The following TP73 variants were observed in gnomAD, a reference collection of about 807,000 sequenced individuals.
TP73 encodes p53-like transcription factor.
Under a neutral mutation model 62.5 loss-of-function variants are expected in TP73, and 25 were observed. The ratio of observed to expected loss-of-function variants is 0.40; its 90% CI spans 0.29 to 0.56. The LOEUF is 0.56. Among genes scored for constraint, TP73 ranks in the 20% least tolerant of loss-of-function variants. The probability of loss-of-function intolerance (pLI) is 0.46; values close to 1 mark genes in which losing one functional copy is unlikely to be tolerated. For missense variants in TP73, 754 were observed against 913.3 expected (o/e 0.83, Z 2.25); for synonymous variants, 423 against 377.5 (o/e 1.12, Z -1.40).
At chr1:3,669,828 G>T (rs1264113697) in intron 1 of TP73, among the ~76,000 whole-genome samples, 1 of 152,364 alleles carries the variant, frequency 6.6e-6, no homozygotes, top group East Asian at 1.9e-4. Flanking sequence ...GGGGACAGGG[G>T]AGGGGCTTGT....
At chr1:3,665,891 T>G (rs1645101645) in intron 1 of TP73, among the ~76,000 whole-genome samples, 1 of 148,642 alleles carries the variant, frequency 6.7e-6, no homozygotes, top group African/African-American at 2.5e-5. Flanking sequence ...TCCCAGCACT[T>G]TGGGAGGCCA....
chr1:3,702,100 C>T (rs1639221490), intron 3 of TP73, among the ~76,000 whole-genome samples: 1 of 152,216 alleles, frequency 6.6e-6, no homozygotes, highest in African/African-American at 2.4e-5. Context: ...TGTGGGAACC[C>T]CCAGACCTCA....
intron 1 of TP73, among the ~76,000 whole-genome samples, chr1:3,659,916 A>T (rs1446255572): frequency 1.3e-5 from 2 of 152,134 alleles, no homozygotes; most frequent in Non-Finnish European, 2.9e-5. Flanking sequence ...CTGACCTCAC[A>T]GGATCCACCC....
In TP73 at chr1:3,663,356, G is replaced by A. The variant is rs1645037844; in HGVS notation, c.-34+10715G>A. 2.0e-5 allele frequency among the ~76,000 whole-genome samples: 3 copies of A among 152,216 alleles called. No homozygotes were observed. Among genetic ancestry groups the A allele is most frequent in the Non-Finnish European group, 2.9e-5 (2 of 68,040 alleles). On this transcript the variant is annotated intron_variant, in intron 1 of 13. Transcript: ENST00000378295. The surrounding 1 kb of genome is among the most constrained non-coding windows in gnomAD (Gnocchi z 4.7). ...GAGCCTTGAGAATGGAACACCCATC[G>A]AACCGGGGAACTCTGCATATTTTCC...
intron 4 of TP73, among the ~76,000 whole-genome samples, chr1:3,708,885 C>T (rs1639896151): frequency 6.6e-6 from 1 of 152,238 alleles, no homozygotes; most frequent in Non-Finnish European, 1.5e-5. Flanking sequence ...GAGGCCCCGC[C>T]TCCCCGGGCA....
intron 4 of TP73, among the ~76,000 whole-genome samples, chr1:3,716,774 C>T (rs1640633423): frequency 6.6e-6 from 1 of 152,160 alleles, no homozygotes; most frequent in Non-Finnish European, 1.5e-5. Flanking sequence ...GCTGTTGACC[C>T]TGGCTCAGGC....
chr1:3,717,626 C>T (rs1398208806), intron 4 of TP73, among the ~76,000 whole-genome samples: 1 of 152,306 alleles, frequency 6.6e-6, no homozygotes, highest in East Asian at 1.9e-4. Context: ...TCCTCCTGCC[C>T]GTTTTCCACA....
chr1:3,670,443 T>A lies in TP73; in HGVS notation c.-33-11890T>A, dbSNP rs1645214274. 6.6e-6 allele frequency among the ~76,000 whole-genome samples: 1 copy of A among 151,878 alleles called. No homozygotes were observed. The highest frequency in any genetic ancestry group is 1.5e-5 in the Non-Finnish European group (1 of 67,988). On this transcript the variant is annotated intron_variant, in intron 1 of 13. Transcript: ENST00000378295. This position sits in a 1 kb window ranked among gnomAD's most constrained non-coding sequence, Gnocchi z 5.9. ...ACTCTGGGAGGCTGAGGCGGGTGGA[T>A]CAACAGAGGTCAGGAGTTCGAGAGC...
chr1:3,675,920 G>A lies in TP73; in HGVS notation c.-33-6413G>A, dbSNP rs115196419. Among the ~76,000 whole-genome samples, 840 of 152,246 alleles carry A rather than the reference G, an allele frequency of 5.5e-3. 8 individuals are homozygous for A. Among genetic ancestry groups the A allele is most frequent in the African/African-American group, 0.019 (778 of 41,526 alleles). On this transcript the variant is annotated intron_variant, in intron 1 of 13. Coordinates refer to ENST00000378295, the MANE Select transcript of TP73 (RefSeq NM_005427.4). ...GAGGGGAGAGGATGGGGCGTCAGCCGGAGACGGGGTTCCTAGAGGAGGCTG... is the reference window on the plus strand; with the variant it reads ...GAGGGGAGAGGATGGGGCGTCAGCCAGAGACGGGGTTCCTAGAGGAGGCTG...
At position 3,696,835 on chromosome 1, in the gene TP73, C is replaced by G. The variant is rs1638704442; in HGVS notation, c.187-10714C>G. ...TTGTCCTAACTGGAGATCCAGGGAT[C>G]AGAGGAGCCACCCCACTCACCCGCC... On this transcript the variant is annotated intron_variant, in intron 3 of 13. Coordinates refer to ENST00000378295, the MANE Select transcript of TP73 (RefSeq NM_005427.4). The surrounding 1 kb of genome is among the most constrained non-coding windows in gnomAD (Gnocchi z 4.1). 6.6e-6 allele frequency among the ~76,000 whole-genome samples: 1 copy of G among 152,148 alleles called. No individual in the cohort carries two copies.
At chr1:3,655,635 AAATGT>A (rs1156820659) in intron 1 of TP73, among the ~76,000 whole-genome samples, 2 of 152,218 alleles carry the variant, frequency 1.3e-5, no homozygotes, top group African/African-American at 4.8e-5. Context: ...AAAGTTTTCT[AAATGT>A]AATGTTTTAT....
rs193151534 is a variant in TP73 at position 3,672,464 on chromosome 1, C to G, written c.-33-9869C>G. Among the ~76,000 whole-genome samples, 1 of 152,034 alleles carries G rather than the reference C, an allele frequency of 6.6e-6. No homozygotes were observed. Among genetic ancestry groups the G allele is most frequent in the Non-Finnish European group, 1.5e-5 (1 of 67,970 alleles). ...CAGAACGAGGCTGTGGCAGCTCCAG[C>G]GAAGGCGGCTGCGGCCCCATCAGTC... On this transcript the variant is annotated intron_variant, in intron 1 of 13. Coordinates refer to ENST00000378295, the MANE Select transcript of TP73 (RefSeq NM_005427.4). The surrounding 1 kb of genome is among the most constrained non-coding windows in gnomAD (Gnocchi z 5.3).
intron 6 of TP73, among the ~76,000 whole-genome samples, chr1:3,724,167 G>A (rs183150594): frequency 6.6e-6 from 1 of 152,238 alleles, no homozygotes; most frequent in East Asian, 1.9e-4. Flanking sequence ...GGGCCCAACT[G>A]GTGTGAAAGG....
intron 1 of TP73, chr1:3,659,003 T>A (rs113925648): frequency 7.0e-6 from 1 of 142,440 alleles, no homozygotes; most frequent in Non-Finnish European, 1.5e-5. Context: ...TGGTCTCCTA[T>A]AGTCATATTT....
At chr1:3,724,411 A>C (rs1304730725) in intron 6 of TP73, among the ~76,000 whole-genome samples, 2 of 138,050 alleles carry the variant, frequency 1.4e-5, no homozygotes, top group East Asian at 2.1e-4. Context: ...TCCTGTACCC[A>C]GTCTCCAGGT....
intron 3 of TP73, among the ~76,000 whole-genome samples, chr1:3,703,772 G>A (rs1009867216): frequency 6.6e-6 from 1 of 152,240 alleles, no homozygotes; most frequent in African/African-American, 2.4e-5. Context: ...CCTGGAGCCT[G>A]CCCTTGCCTG....
chr1:3,733,050 G>A lies in TP73; in HGVS notation c.1882G>A (p.Glu628Lys), dbSNP rs1290688934. 2.6e-6 allele frequency: 4 copies of A among 1,540,806 alleles called. No homozygotes were observed. The highest frequency in any genetic ancestry group is 1.7e-6 in the Non-Finnish European group (2 of 1,147,906). The change falls in exon 14 of 14, where the codon GAG (glutamate) becomes AAG (lysine). Residue 628 changes from glutamate (E) to lysine (K), a missense_variant. By Grantham distance (56) the Glu-to-Lys change is moderately conservative. Coordinates refer to ENST00000378295, the MANE Select transcript of TP73 (RefSeq NM_005427.4). ...DCKARKQPIK[E>K]EFTEAEIH ...CAAGGCCCGCAAGCAGCCCATCAAG[G>A]AGGAGTTCACGGAGGCCGAGATCCA...
At chr1:3,680,430 C>T (rs1175544569) in intron 1 of TP73, among the ~76,000 whole-genome samples, 3 of 152,176 alleles carry the variant, frequency 2.0e-5, no homozygotes, top group Non-Finnish European at 4.4e-5. Flanking sequence ...TCAGGTGGCC[C>T]ATCTACAAAA....
chr1:3,698,216 C>T (rs1324170151), intron 3 of TP73: 1 of 794,078 alleles, frequency 1.3e-6, no homozygotes, highest in Admixed American at 6.2e-5. Flanking sequence ...TCAGGGCTGA[C>T]ACCTGGGTTG....
Sources: allele counts gnomAD v4.1 joint callset (sites outside exome capture counted in the v4.1 genomes callset), GRCh38; gene constraint gnomAD v4.1.1; non-coding constraint Gnocchi (gnomAD v3.1); transcripts MANE v1.5; gene names NCBI Gene and HGNC (gene_info 2026-07-23, HGNC 2026-07-21).